The following ESRRG variants were observed in gnomAD, a reference collection of about 807,000 sequenced individuals.
ESRRG encodes the protein estrogen-related receptor gamma.
Under a neutral mutation model 44.0 loss-of-function variants are expected in ESRRG, and 13 were observed. The ratio of observed to expected loss-of-function variants is 0.30; its 90% CI spans 0.19 to 0.47. The LOEUF is 0.47. ESRRG is among the 20% of genes least tolerant of loss of function. The pLI is 1.00. For synonymous variants in ESRRG, 215 were observed against 214.6 expected, an observed-to-expected ratio of 1.00 and a Z score of -0.02; for missense variants, 395 against 580.6, an observed-to-expected ratio of 0.68 and a Z score of 3.29.
chr1:216,525,895 C>A (rs185295359), intron 5 of ESRRG, among the ~76,000 whole-genome samples: 10 of 152,090 alleles, frequency 6.6e-5, no homozygotes, highest in African/African-American at 1.4e-4. Context: ...CACTTTGGAA[C>A]CAGATATCTA....
chr1:216,710,352 A>G (rs1232980130), intron 1 of ESRRG, among the ~76,000 whole-genome samples: 1 of 152,206 alleles, frequency 6.6e-6, no homozygotes, highest in Non-Finnish European at 1.5e-5. Flanking sequence ...AAGCCTGCCC[A>G]GGGTCCAGAA....
intron 1 of ESRRG, among the ~76,000 whole-genome samples, chr1:216,717,772 G>A (rs12083154): frequency 0.019 from 2,887 of 151,748 alleles, 88 homozygotes; most frequent in African/African-American, 0.066. Flanking sequence ...AATACTTATA[G>A]TTTTATATAT....
At position 216,615,829 on chromosome 1, in the gene ESRRG, A is replaced by G. The variant is rs576505326; in HGVS notation, c.589+35144T>C. Among the ~76,000 whole-genome samples the G allele has an allele frequency of 8.8e-4, 132 of 150,438 alleles. 2 individuals are homozygous for G. In the South Asian group the frequency reaches 9.3e-3, roughly 11 times the overall value. ...CAGCCTCCTGAGTAGGAGGGATTACAGGCACCCACACCACACCCAGCTAAT... is the reference window on the plus strand; with the variant it reads ...CAGCCTCCTGAGTAGGAGGGATTACGGGCACCCACACCACACCCAGCTAAT... On this transcript the variant is annotated intron_variant, in intron 3 of 6. Coordinates refer to ENST00000408911, the MANE Select transcript of ESRRG (RefSeq NM_001438.4).
In ESRRG at chr1:216,963,844, G is replaced by A. The variant is rs187407687; in HGVS notation, c.-105-24171C>T. On this transcript the variant is annotated intron_variant, in intron 1 of 7. Coordinates refer to the ESRRG transcript ENST00000359162. ...CAAAGTGTCTCGGTCTAGTGGGAGA[G>A]TCAGCCATTACTCAAAGCCACATTA... Among the ~76,000 whole-genome samples, 17 of 152,198 alleles carry A rather than the reference G, an allele frequency of 1.1e-4. No individual in the cohort carries two copies. In the South Asian group the frequency reaches 1.5e-3, roughly 13 times the overall value.
intron 3 of ESRRG, among the ~76,000 whole-genome samples, chr1:216,591,356 G>A (rs12080492): frequency 6.6e-6 from 1 of 152,198 alleles, no homozygotes; most frequent in African/African-American, 2.4e-5. Context: ...GTGCCAGAGA[G>A]AGCATGGAAG....
At chr1:216,566,576 A>T (rs1468576288) in intron 4 of ESRRG, among the ~76,000 whole-genome samples, 1 of 152,198 alleles carries the variant, frequency 6.6e-6, no homozygotes, top group East Asian at 1.9e-4. Flanking sequence ...GTTTCAGTCA[A>T]TGTTTGCATA....
intron 3 of ESRRG, among the ~76,000 whole-genome samples, chr1:216,569,190 G>GGGAAGGGAGA (rs1553356429): frequency 1.7e-4 from 9 of 53,876 alleles, no homozygotes; most frequent in African/African-American, 1.0e-3. Flanking sequence ...GGGAAGGGAA[G>GGGAAGGGAGA]GGAAAGGAAA....
chr1:216,542,076 G>C (rs1157560134), intron 5 of ESRRG, among the ~76,000 whole-genome samples: 4 of 66,258 alleles, frequency 6.0e-5, no homozygotes, highest in Non-Finnish European at 1.2e-4. Flanking sequence ...CTATGACAGA[G>C]AGAGAGAGAG....
At chr1:216,939,316 A>T (rs2064725309) in intron 2 of ESRRG, among the ~76,000 whole-genome samples, 1 of 140,768 alleles carries the variant, frequency 7.1e-6, no homozygotes, top group South Asian at 2.4e-4. Flanking sequence ...GGTAAAGTCC[A>T]ATCTTCCAGA....
At chr1:216,570,350 A>G (rs2060551151) in intron 3 of ESRRG, among the ~76,000 whole-genome samples, 1 of 152,246 alleles carries the variant, frequency 6.6e-6, no homozygotes, top group South Asian at 2.1e-4. Flanking sequence ...TGCTGCTTTT[A>G]AAGCACTCCA....
At chr1:216,516,668 C>CAGAGAGAGAGAG (rs869054150) in intron 6 of ESRRG, among the ~76,000 whole-genome samples, 42 of 137,240 alleles carry the variant, frequency 3.1e-4, no homozygotes, top group African/African-American at 1.2e-3. Context: ...CACACACACA[C>CAGAGAGAGAGAG]AGAGAGAGAG....
chr1:217,053,400 A>G (rs1266920733), intron 1 of ESRRG, among the ~76,000 whole-genome samples: 1 of 151,706 alleles, frequency 6.6e-6, no homozygotes, highest in Non-Finnish European at 1.5e-5. Context: ...GGTTGCAGTG[A>G]GCCGAGATTG....
At position 217,015,950 on chromosome 1, in the gene ESRRG, C is replaced by T. The variant is rs369908186; in HGVS notation, c.-106+73557G>A. On this transcript the variant is annotated intron_variant, in intron 1 of 7. Transcript: ENST00000359162. ...TTCACCATGTTGACCAGGCTGGCTT[C>T]GAACTGCTGACCTCAGGTGATCGAG... is the stretch of plus-strand genomic sequence containing the variant. Among the ~76,000 whole-genome samples, 9 of 151,990 alleles carry T rather than the reference C, an allele frequency of 5.9e-5. No individual in the cohort carries two copies. The South Asian group carries it at 1.0e-3, about 18-fold the overall frequency.
intron 1 of ESRRG, among the ~76,000 whole-genome samples, chr1:216,706,289 C>T (rs1244652004): frequency 6.6e-6 from 1 of 151,846 alleles, no homozygotes; most frequent in African/African-American, 2.4e-5. Flanking sequence ...AGCATGTTCA[C>T]AAATATTTTG....
chr1:217,061,472 G>A (rs1181866632), intron 1 of ESRRG, among the ~76,000 whole-genome samples: 2 of 152,066 alleles, frequency 1.3e-5, no homozygotes, highest in Non-Finnish European at 2.9e-5. Context: ...GGATATAAAT[G>A]AGCTCCCCCC....
intron 1 of ESRRG, among the ~76,000 whole-genome samples, chr1:217,116,619 A>C (rs762666752): frequency 6.6e-6 from 1 of 152,230 alleles, no homozygotes; most frequent in Non-Finnish European, 1.5e-5. Context: ...GACATTACTG[A>C]TGGGACAGAA....
chr1:216,509,636 A>T (rs2042151203), intron 6 of ESRRG, among the ~76,000 whole-genome samples: 1 of 152,206 alleles, frequency 6.6e-6, no homozygotes, highest in Non-Finnish European at 1.5e-5. Flanking sequence ...AGCAATTAAG[A>T]TTTCAAACTA....
At chr1:217,024,882 T>G (rs2080941002) in intron 1 of ESRRG, among the ~76,000 whole-genome samples, 1 of 152,214 alleles carries the variant, frequency 6.6e-6, no homozygotes, top group African/African-American at 2.4e-5. Context: ...GGTGACTTGC[T>G]CCAGATTACT....
intron 2 of ESRRG, among the ~76,000 whole-genome samples, chr1:216,810,618 C>G (rs1278521601): frequency 2.0e-5 from 3 of 147,014 alleles, no homozygotes; most frequent in African/African-American, 7.4e-5. Context: ...CCATGATATT[C>G]TATATGGTAT....
Sources: allele counts gnomAD v4.1 joint callset (sites outside exome capture counted in the v4.1 genomes callset), GRCh38; gene constraint gnomAD v4.1.1; transcripts MANE v1.5; gene names NCBI Gene and HGNC (gene_info 2026-07-23, HGNC 2026-07-21).